The following BCAR3 variants were observed in gnomAD, a reference collection of about 807,000 sequenced individuals.
BCAR3 encodes the protein breast cancer anti-estrogen resistance protein 3.
In BCAR3, 37 loss-of-function variants were observed where a neutral mutation model predicts 80.1. That is an observed-to-expected ratio of 0.46 (90% CI 0.36 to 0.61). The LOEUF (loss-of-function observed/expected upper bound fraction) is 0.61, where lower values mean the gene tolerates loss of function less well. Ranked by LOEUF, BCAR3 falls within the 20% of genes least tolerant of loss-of-function variation. BCAR3 has a pLI of 0.00. For synonymous variants in BCAR3, 389 were observed against 418.9 expected (o/e 0.93, Z 0.87); for missense variants, 978 against 1,068.2 (o/e 0.92, Z 1.18).
At chr1:93,710,345 A>G (rs184658681) in intron 2 of BCAR3, among the ~76,000 whole-genome samples, 161 of 152,292 alleles carry the variant, frequency 1.1e-3, no homozygotes, top group Non-Finnish European at 1.9e-3. Flanking sequence ...ACCATGCTGG[A>G]TGTTTGCTAC....
intron 2 of BCAR3, among the ~76,000 whole-genome samples, chr1:93,751,982 A>C (rs536170683): frequency 6.6e-6 from 1 of 152,212 alleles, no homozygotes; most frequent in Non-Finnish European, 1.5e-5. Flanking sequence ...ACAGCTGAGA[A>C]TGCATCTCTT....
Position 93,740,003 on chromosome 1 carries a change from T to G in BCAR3, c.-62-33861A>C, listed in dbSNP as rs1317062622. 2.6e-4 allele frequency among the ~76,000 whole-genome samples: 39 copies of G among 147,574 alleles called. 3 individuals are homozygous for G. Among genetic ancestry groups the G allele is most frequent in the Admixed American group, 1.3e-3 (19 of 14,566 alleles). ...GTGAGCCGAGATCATGCCACTGCAC[T>G]CCAGCCTGGGTGACAGAGTGAAACT... is the stretch of plus-strand genomic sequence containing the variant. On this transcript the variant is annotated intron_variant, in intron 2 of 13. Transcript: ENST00000370244.
chr1:93,822,187 T>C (rs1464517183), intron 2 of BCAR3, among the ~76,000 whole-genome samples: 13 of 99,180 alleles, frequency 1.3e-4, no homozygotes, highest in South Asian at 3.1e-4. Flanking sequence ...TTTTTTTTTC[T>C]TTTTTTTTTT....
chr1:93,829,513 G>A (rs1407805008), intron 2 of BCAR3, among the ~76,000 whole-genome samples: 1 of 151,604 alleles, frequency 6.6e-6, no homozygotes, highest in African/African-American at 2.4e-5. Flanking sequence ...TGGTTTTGGG[G>A]CTGCTTTTTA....
chr1:93,594,077 T>C (rs542937554), intron 3 of BCAR3, among the ~76,000 whole-genome samples: 1 of 152,324 alleles, frequency 6.6e-6, no homozygotes, highest in East Asian at 1.9e-4. Flanking sequence ...GGAATGCAGT[T>C]TGTCAACTCG....
chr1:93,580,472 G>C (rs1031604796), intron 7 of BCAR3, among the ~76,000 whole-genome samples: 7 of 149,708 alleles, frequency 4.7e-5, no homozygotes, highest in Admixed American at 3.3e-4. Flanking sequence ...CGTGGCTTCT[G>C]CAACAGTAGA....
intron 5 of BCAR3, chr1:93,585,039 C>T: frequency 5.1e-6 from 5 of 985,438 alleles, no homozygotes; most frequent in Non-Finnish European, 6.0e-6. Context: ...GAAATTCCAG[C>T]AACCTTTCGA....
intron 3 of BCAR3, among the ~76,000 whole-genome samples, chr1:93,689,880 C>T (rs1649132442): frequency 6.6e-6 from 1 of 152,192 alleles, no homozygotes; most frequent in African/African-American, 2.4e-5. Context: ...AGGAGCCAGA[C>T]TGACAGAAAA....
chr1:93,757,063 C>G (rs1055054747), intron 2 of BCAR3, among the ~76,000 whole-genome samples: 1 of 152,198 alleles, frequency 6.6e-6, no homozygotes, highest in African/African-American at 2.4e-5. Context: ...GTTCAGCTCC[C>G]ACAGTAGGAA....
chr1:93,822,655 T>C (rs921082120), intron 2 of BCAR3, among the ~76,000 whole-genome samples: 1 of 152,126 alleles, frequency 6.6e-6, no homozygotes, highest in Admixed American at 6.5e-5. Flanking sequence ...ACTTTGGATA[T>C]GGCTGGAGAA....
intron 2 of BCAR3, among the ~76,000 whole-genome samples, chr1:93,803,418 G>A (rs527940406): frequency 2.9e-4 from 44 of 152,210 alleles, no homozygotes; most frequent in African/African-American, 9.6e-4. Flanking sequence ...AACAAGCATA[G>A]GAAGAATTTA....
Position 93,734,559 on chromosome 1 carries a change from C to T in BCAR3, c.-62-28417G>A, listed in dbSNP as rs1042993530. ...GGGGTGTGGTGTTCCAGGGCAGTGG[C>T]GGTACCTGGGAACAGGTGGCAGCAG... is the stretch of plus-strand genomic sequence containing the variant. On this transcript the variant is annotated intron_variant, in intron 2 of 13. Transcript: ENST00000370244. 5.3e-5 allele frequency among the ~76,000 whole-genome samples: 8 copies of T among 152,178 alleles called. No individual in the cohort carries two copies. The East Asian group carries it at 9.7e-4, about 18-fold the overall frequency.
At chr1:93,646,937 AAATGT>A (rs1457355063) in intron 2 of BCAR3, among the ~76,000 whole-genome samples, 1 of 152,214 alleles carries the variant, frequency 6.6e-6, no homozygotes, top group African/African-American at 2.4e-5. Context: ...TTAATCAGAT[AAATGT>A]AATGGAATAA....
At chr1:93,711,964 G>T (rs1650041424) in intron 2 of BCAR3, among the ~76,000 whole-genome samples, 1 of 152,072 alleles carries the variant, frequency 6.6e-6, no homozygotes, top group Non-Finnish European at 1.5e-5. Context: ...AAGCTTAGGG[G>T]CTTCCACAGC....
chr1:93,828,179 AG>A (rs890899203), intron 2 of BCAR3, among the ~76,000 whole-genome samples: 1 of 152,168 alleles, frequency 6.6e-6, no homozygotes, highest in Non-Finnish European at 1.5e-5. Flanking sequence ...ATGTGCCTGT[AG>A]TACCAATGAC....
intron 2 of BCAR3, among the ~76,000 whole-genome samples, chr1:93,668,031 T>C (rs1307402486): frequency 2.0e-5 from 3 of 152,154 alleles, no homozygotes; most frequent in Non-Finnish European, 2.9e-5. Context: ...CAACATATAT[T>C]GAGGGGCGTG....
At chr1:93,718,101 TTAAAA>T (rs1036790324) in intron 2 of BCAR3, among the ~76,000 whole-genome samples, 6 of 152,208 alleles carry the variant, frequency 3.9e-5, no homozygotes, top group African/African-American at 1.4e-4. Flanking sequence ...TTCACAGCTC[TTAAAA>T]TAAAATAATA....
chr1:93,587,798 C>T (rs1674009267), intron 5 of BCAR3, among the ~76,000 whole-genome samples: 1 of 151,764 alleles, frequency 6.6e-6, no homozygotes, highest in Non-Finnish European at 1.5e-5. Context: ...GACTGAGGGG[C>T]TGGACTGGAT....
chr1:93,562,378 C>T lies in BCAR3; in HGVS notation c.2341G>A (p.Glu781Lys), dbSNP rs1236462674. ...CCCCATAGCAATCGCATTTGAAATT[C>T]AGTCTTGCAGATTTCATTCATTTCT... is the stretch of plus-strand genomic sequence containing the variant. The part of the protein sequence containing the change: ...DEEMNEICKT[E>K]FQMRLLWGSK... Residue 781 changes from glutamate to lysine, a missense_variant, in exon 12 of 12, where the codon GAA (glutamate) becomes AAA (lysine). Coordinates refer to ENST00000260502, the MANE Select transcript of BCAR3 (RefSeq NM_003567.4). 3.7e-6 allele frequency: 6 copies of T among 1,614,022 alleles called. No homozygotes were observed. Among genetic ancestry groups the T allele is most frequent in the Non-Finnish European group, 4.2e-6 (5 of 1,179,992 alleles).
Sources: gnomAD v4.1 joint callset for allele counts (sites outside exome capture counted in the v4.1 genomes callset) on GRCh38, gnomAD v4.1.1 for gene constraint, MANE v1.5 for transcripts, NCBI Gene and HGNC (gene_info 2026-07-23, HGNC 2026-07-21) for gene names.